WWOX: variants seen among roughly 807,000 people sequenced by gnomAD.
WWOX encodes WW domain containing oxidoreductase, also known as WW domain-containing oxidoreductase.
WWOX carries 69 observed loss-of-function variants against 46.2 expected under a neutral mutation model. That is an observed-to-expected ratio of 1.49 (90% CI 1.23 to 1.82). The LOEUF (loss-of-function observed/expected upper bound fraction) is 1.82, where lower values mean the gene tolerates loss of function less well. Among genes scored for constraint, WWOX ranks in the 40% most tolerant of loss-of-function variants. WWOX has a pLI of 0.00. For synonymous variants in WWOX, 359 were observed against 202.6 expected, an observed-to-expected ratio of 1.77 and a Z score of -6.56; for missense variants, 919 against 542.6, an observed-to-expected ratio of 1.69 and a Z score of -6.89.
chr16:78,719,000 C>T (rs755142518), intron 8 of WWOX, among the ~76,000 whole-genome samples: 1 of 152,060 alleles, frequency 6.6e-6, no homozygotes, highest in African/African-American at 2.4e-5. Flanking sequence ...ATCCCAGGCA[C>T]TCTTGGTAGC....
At chr16:78,550,330 T>C (rs564861045) in intron 8 of WWOX, among the ~76,000 whole-genome samples, 2 of 152,210 alleles carry the variant, frequency 1.3e-5, no homozygotes, top group East Asian at 3.9e-4. Context: ...CTTTGTGGCC[T>C]ACAAGGTACC....
chr16:78,367,048 C>T (rs1006917476), intron 5 of WWOX, among the ~76,000 whole-genome samples: 11 of 135,488 alleles, frequency 8.1e-5, no homozygotes, highest in African/African-American at 2.3e-4. Context: ...GGTGTGATTT[C>T]AGCTCACAGC....
At chr16:79,066,210 C>T (rs59591935) in intron 8 of WWOX, among the ~76,000 whole-genome samples, 3 of 152,040 alleles carry the variant, frequency 2.0e-5, no homozygotes, top group Non-Finnish European at 4.4e-5. Context: ...CCACGTGGGA[C>T]GTTCCTTCCA....
chr16:78,201,917 T>C (rs1039993455), intron 5 of WWOX, among the ~76,000 whole-genome samples: 1 of 151,996 alleles, frequency 6.6e-6, no homozygotes, highest in African/African-American at 2.4e-5. Flanking sequence ...CCCAGGCTGG[T>C]CACGAACTCC....
chr16:78,450,527 C>T (rs2083667051), intron 8 of WWOX, among the ~76,000 whole-genome samples: 1 of 152,160 alleles, frequency 6.6e-6, no homozygotes, highest in Non-Finnish European at 1.5e-5. Context: ...AAAAAAAATA[C>T]TGTGTATCAA....
At chr16:78,918,868 G>C (rs189885925) in intron 8 of WWOX, among the ~76,000 whole-genome samples, 62 of 152,242 alleles carry the variant, frequency 4.1e-4, no homozygotes, top group Non-Finnish European at 7.5e-4. Flanking sequence ...CCAAATATGA[G>C]CACTTTCTCT....
At chr16:79,184,749 G>T (rs569298072) in intron 8 of WWOX, among the ~76,000 whole-genome samples, 1 of 152,326 alleles carries the variant, frequency 6.6e-6, no homozygotes, top group East Asian at 1.9e-4. Flanking sequence ...GCCAAGATAG[G>T]AGTTTGAAGA....
At chr16:78,653,697 A>G (rs2142150682) in intron 8 of WWOX, among the ~76,000 whole-genome samples, 1 of 152,340 alleles carries the variant, frequency 6.6e-6, no homozygotes, top group South Asian at 2.1e-4. Flanking sequence ...GCATTGTGGC[A>G]TTTTAGAGCC....
At chr16:78,422,453 T>C (rs2082955085) in intron 6 of WWOX, among the ~76,000 whole-genome samples, 1 of 150,966 alleles carries the variant, frequency 6.6e-6, no homozygotes, top group African/African-American at 2.4e-5. Context: ...CAAGTAATCC[T>C]CCTATCTCAG....
chr16:78,936,605 C>T (rs1345), intron 8 of WWOX, among the ~76,000 whole-genome samples: 49,436 of 151,930 alleles, frequency 0.33, 8,041 homozygotes, highest in Middle Eastern at 0.4. Context: ...ACACCCTGGG[C>T]AAGGTCCACA....
intron 5 of WWOX, among the ~76,000 whole-genome samples, chr16:78,203,642 C>T (rs973133301): frequency 1.3e-4 from 20 of 152,218 alleles, no homozygotes; most frequent in Admixed American, 1.2e-3. Context: ...AACATTCTTG[C>T]GACCACAGGT....
chr16:78,836,516 C>G (rs137902111), intron 8 of WWOX, among the ~76,000 whole-genome samples: 14 of 152,244 alleles, frequency 9.2e-5, no homozygotes, highest in Non-Finnish European at 1.9e-4. Context: ...CACTTCTGCC[C>G]CTTGCCATGT....
intron 8 of WWOX, among the ~76,000 whole-genome samples, chr16:79,132,706 A>G (rs1367862938): frequency 1.3e-5 from 2 of 152,202 alleles, no homozygotes; most frequent in Non-Finnish European, 2.9e-5. Context: ...AACTTTGGAA[A>G]GAGGCTCTGG....
intron 8 of WWOX, among the ~76,000 whole-genome samples, chr16:78,459,108 G>A (rs541032988): frequency 5.3e-5 from 8 of 152,292 alleles, no homozygotes; most frequent in African/African-American, 1.9e-4. Flanking sequence ...AGGGCCTTCT[G>A]TGTGAAGATT....
At chr16:79,053,245 C>T (rs907223051) in intron 8 of WWOX, among the ~76,000 whole-genome samples, 1 of 152,126 alleles carries the variant, frequency 6.6e-6, no homozygotes, top group Non-Finnish European at 1.5e-5. Flanking sequence ...TACGTAATTA[C>T]AAAGTCTTTG....
intron 8 of WWOX, among the ~76,000 whole-genome samples, chr16:78,436,653 C>A (rs151001629): frequency 6.6e-6 from 1 of 152,096 alleles, no homozygotes; most frequent in Admixed American, 6.5e-5. Context: ...GTGGAATTGG[C>A]GCTCTGAGCT....
intron 8 of WWOX, among the ~76,000 whole-genome samples, chr16:78,769,202 T>A (rs1431789402): frequency 3.9e-5 from 6 of 152,218 alleles, no homozygotes; most frequent in African/African-American, 1.4e-4. Context: ...CATATATGAC[T>A]ATTTCATGAG....
At chr16:78,907,777 G>T (rs930988834) in intron 8 of WWOX, among the ~76,000 whole-genome samples, 50 of 152,266 alleles carry the variant, frequency 3.3e-4, no homozygotes, top group Admixed American at 2.9e-3. Flanking sequence ...CATTTCAACA[G>T]ATCTAGAAAT....
intron 8 of WWOX, among the ~76,000 whole-genome samples, chr16:78,436,689 C>T (rs532662051): frequency 1.3e-5 from 2 of 152,172 alleles, no homozygotes; most frequent in African/African-American, 4.8e-5. Flanking sequence ...CAGGCATTCA[C>T]TTTTCTTTCA....
Sources: gnomAD v4.1 joint callset for allele counts (sites outside exome capture counted in the v4.1 genomes callset) on GRCh38, gnomAD v4.1.1 for gene constraint, MANE v1.5 for transcripts, NCBI Gene and HGNC (gene_info 2026-07-23, HGNC 2026-07-21) for gene names.